RAD52: variants seen among roughly 807,000 people sequenced by gnomAD.
RAD52 encodes the protein DNA repair protein RAD52 homolog.
In RAD52, 47 loss-of-function variants were observed where a neutral mutation model predicts 55.5. That is an observed-to-expected ratio of 0.85 (90% CI 0.67 to 1.08). The LOEUF is 1.08. Among genes scored for constraint, RAD52 ranks in the 50% least tolerant of loss-of-function variants. RAD52 has a pLI of 0.00. For synonymous variants in RAD52, 184 were observed against 198.9 expected, an observed-to-expected ratio of 0.92 and a Z score of 0.63; for missense variants, 468 against 522.8, an observed-to-expected ratio of 0.90 and a Z score of 1.02.
At chr12:931,157 C>T (rs907213627) in intron 3 of RAD52, 63 bp downstream of exon 3, 42 of 1,358,480 alleles carry the variant, frequency 3.1e-5, no homozygotes, top group Non-Finnish European at 4.4e-5. Flanking sequence ...AGAGAGGGAA[C>T]TGGCAAGACC....
rs925465340 is a variant in RAD52, at chr12:913,334, AAGT to A, written c.*54_*56del. 1.5e-5 allele frequency: 19 copies of A among 1,297,820 alleles called. No homozygotes were observed. Among genetic ancestry groups the A allele is most frequent in the Middle Eastern group, 1.9e-4 (1 of 5,376 alleles). The allele number at this position is 1,297,820 out of a possible 1,614,324, so 80.4% of individuals were successfully genotyped here. On this transcript the variant is annotated 3_prime_UTR_variant, in exon 12 of 12. Coordinates refer to ENST00000358495, the MANE Select transcript of RAD52 (RefSeq NM_134424.4). ...AGCGATGAACAATTTCATGACCAAA[AAGT>A]AGTTTTCCAAAGTCCCTTTGTGACA...
rs370237196 is a variant in RAD52 at position 966,261 on chromosome 12, T to C, written c.-19+23548A>G. ...GGATTACATGCGTGAGCCACCGCGA[T>C]GGGCCCAATATGTAAATAGGGGTGT... On this transcript the variant is annotated intron_variant, in intron 1 of 11. Transcript: ENST00000430095. Among the ~76,000 whole-genome samples the C allele has an allele frequency of 1.1e-3, 173 of 152,244 alleles. 3 individuals are homozygous for C. Among genetic ancestry groups the C allele is most frequent in the African/African-American group, 4.1e-3 (169 of 41,486 alleles).
intron 1 of RAD52, among the ~76,000 whole-genome samples, chr12:958,364 C>T (rs576995917): frequency 2.6e-5 from 4 of 152,188 alleles, no homozygotes; most frequent in South Asian, 4.2e-4. Flanking sequence ...TATAAGCGCT[C>T]GCCACCATAC....
chr12:937,673 GCCTCATCCTCCCAAAGTGCTGGGACTA>G (rs1303957644), intron 1 of RAD52, among the ~76,000 whole-genome samples: 1 of 152,120 alleles, frequency 6.6e-6, no homozygotes, highest in African/African-American at 2.4e-5. Context: ...TGATCCGCCT[GCCTCATCCTCCCAAAGTGCTGGGACTA>G]CAGGTGTGAG....
intron 7 of RAD52, among the ~76,000 whole-genome samples, chr12:921,180 C>G (rs1662089035): frequency 6.6e-6 from 1 of 151,616 alleles, no homozygotes; most frequent in Non-Finnish European, 1.5e-5. Context: ...AAAAAGATCT[C>G]AAATCTACGC....
chr12:965,670 T>C (rs1958750791), intron 1 of RAD52, among the ~76,000 whole-genome samples: 1 of 152,008 alleles, frequency 6.6e-6, no homozygotes, highest in Non-Finnish European at 1.5e-5. Context: ...TTTTTATTTT[T>C]GTAGTTGTTG....
chr12:934,615 G>A (rs1957517587), intron 1 of RAD52, among the ~76,000 whole-genome samples: 1 of 152,068 alleles, frequency 6.6e-6, no homozygotes, highest in African/African-American at 2.4e-5. Context: ...GCATTTCAGA[G>A]AAGCAATACC....
At chr12:942,449 A>T (rs1158428671) in intron 1 of RAD52, among the ~76,000 whole-genome samples, 1 of 152,176 alleles carries the variant, frequency 6.6e-6, no homozygotes, top group Non-Finnish European at 1.5e-5. Context: ...ACATAAAACT[A>T]AAACTATAAA....
intron 1 of RAD52, among the ~76,000 whole-genome samples, chr12:956,454 A>T (rs1958607852): frequency 6.6e-6 from 1 of 152,222 alleles, no homozygotes; most frequent in Non-Finnish European, 1.5e-5. Context: ...AAATTCTGGA[A>T]TCTCTTATTT....
intron 3 of RAD52, 109 bp downstream of exon 3, chr12:931,111 A>G: frequency 1.9e-5 from 16 of 823,440 alleles, no homozygotes; most frequent in Non-Finnish European, 2.7e-5. Flanking sequence ...ACCTCCAGGA[A>G]CAGTTAACAG....
At chr12:970,106 G>A (rs571758070) in intron 1 of RAD52, among the ~76,000 whole-genome samples, 2 of 151,302 alleles carry the variant, frequency 1.3e-5, no homozygotes, top group Non-Finnish European at 2.9e-5. Flanking sequence ...TCAGGAGTTC[G>A]AGACCAGCCT....
chr12:957,254 T>C (rs1403227577), intron 1 of RAD52, among the ~76,000 whole-genome samples: 1 of 151,922 alleles, frequency 6.6e-6, no homozygotes, highest in African/African-American at 2.4e-5. Flanking sequence ...GGTCAGGAGT[T>C]CGAGACTAGC....
At chr12:973,353 G>A (rs1404930370) in intron 1 of RAD52, among the ~76,000 whole-genome samples, 1 of 152,188 alleles carries the variant, frequency 6.6e-6, no homozygotes, top group Non-Finnish European at 1.5e-5. Context: ...ACAGGTGTGA[G>A]CCACCACACC....
intron 1 of RAD52, among the ~76,000 whole-genome samples, chr12:945,979 C>T (rs1413224963): frequency 2.0e-5 from 3 of 151,770 alleles, no homozygotes; most frequent in Non-Finnish European, 2.9e-5. Flanking sequence ...GCCGAGATCA[C>T]GCCACCGCAC....
intron 1 of RAD52, among the ~76,000 whole-genome samples, chr12:946,064 C>T (rs1958210941): frequency 6.6e-6 from 1 of 151,928 alleles, no homozygotes; most frequent in Non-Finnish European, 1.5e-5. Flanking sequence ...AGGATTAATT[C>T]CCTCACACTG....
chr12:951,109 AT>A (rs948352510), upstream of RAD52, among the ~76,000 whole-genome samples: 2 of 150,562 alleles, frequency 1.3e-5, no homozygotes, highest in Non-Finnish European at 2.9e-5. Flanking sequence ...TTGATAAATG[AT>A]TTTTTTTTTA....
chr12:914,989 C>T (rs761992119), intron 9 of RAD52, among the ~76,000 whole-genome samples: 1 of 152,106 alleles, frequency 6.6e-6, no homozygotes, highest in South Asian at 2.1e-4. Context: ...AAAATATCAG[C>T]GGGTGTGGTA....
chr12:956,346 C>A (rs1324427552), intron 1 of RAD52, among the ~76,000 whole-genome samples: 2 of 152,158 alleles, frequency 1.3e-5, no homozygotes, highest in Non-Finnish European at 2.9e-5. Context: ...TTCTATGCTG[C>A]TATAAGTTAT....
chr12:946,854 A>G (rs1423874009), intron 1 of RAD52, among the ~76,000 whole-genome samples: 1 of 152,220 alleles, frequency 6.6e-6, no homozygotes, highest in Non-Finnish European at 1.5e-5. Context: ...CATTTTTCAT[A>G]CACTCATCTC....
Sources: allele counts gnomAD v4.1 joint callset (sites outside exome capture counted in the v4.1 genomes callset), GRCh38; gene constraint gnomAD v4.1.1; transcripts MANE v1.5; gene names NCBI Gene and HGNC (gene_info 2026-07-23, HGNC 2026-07-21).